Variants in STT3B observed in about 807,000 individuals in gnomAD.
STT3B encodes dolichyl-diphosphooligosaccharide--protein glycosyltransferase subunit STT3B.
In STT3B, 29 loss-of-function variants were observed where a neutral mutation model predicts 96.8. The ratio of observed to expected loss-of-function variants is 0.30; its 90% CI spans 0.22 to 0.41. The LOEUF is 0.41. Ranked by LOEUF, STT3B falls within the 10% of genes least tolerant of loss-of-function variation. STT3B has a pLI of 1.00. For synonymous variants in STT3B, 367 were observed against 360.0 expected, an observed-to-expected ratio of 1.02 and a Z score of -0.22; for missense variants, 640 against 1,022.3, an observed-to-expected ratio of 0.63 and a Z score of 5.10.
intron 5 of STT3B, among the ~76,000 whole-genome samples, chr3:31,611,130 A>C (rs925807960): frequency 1.3e-5 from 2 of 152,204 alleles, no homozygotes; most frequent in African/African-American, 4.8e-5. Flanking sequence ...AATGATGGCT[A>C]TGGGTTTGTC....
intron 1 of STT3B, among the ~76,000 whole-genome samples, chr3:31,536,677 C>T (rs1697106335): frequency 6.6e-6 from 1 of 152,170 alleles, no homozygotes; most frequent in Non-Finnish European, 1.5e-5. Context: ...TTGAAGTACA[C>T]TGCACTTTTT....
chr3:31,635,485 T>C (rs1173121728), intron 15 of STT3B, among the ~76,000 whole-genome samples: 1 of 152,234 alleles, frequency 6.6e-6, no homozygotes, highest in African/African-American at 2.4e-5. Context: ...AAAGGATTAT[T>C]TTTAGAGAAT....
chr3:31,637,597 TAA>T lies in STT3B; in HGVS notation c.*1535_*1536del, dbSNP rs1435293468. The T allele has an allele frequency of 2.6e-5, 4 of 152,188 alleles. No homozygotes were observed. Among genetic ancestry groups the T allele is most frequent in the African/African-American group, 9.6e-5 (4 of 41,452 alleles). 9.4% of individuals were successfully genotyped at this position (152,188 alleles called of 1,614,324 possible). A position where few individuals can be genotyped will look rare whatever the true frequency, so the allele number is the denominator to read the frequency against. On this transcript the variant is annotated 3_prime_UTR_variant, in exon 16 of 16. Transcript: ENST00000295770. ...GAGAAGTTGTTGACTGTAGGGGAAATAAAGTTAATTCAAATTTTGTGTTAAGT... is the reference window on the plus strand; with the variant it reads ...GAGAAGTTGTTGACTGTAGGGGAAATAGTTAATTCAAATTTTGTGTTAAGT...
At chr3:31,564,761 A>G (rs1397614852) in intron 1 of STT3B, among the ~76,000 whole-genome samples, 1 of 152,218 alleles carries the variant, frequency 6.6e-6, no homozygotes, top group African/African-American at 2.4e-5. Flanking sequence ...TTACGTATAA[A>G]GGAAGGATTG....
At chr3:31,602,364 G>T (rs1698947145) in intron 5 of STT3B, among the ~76,000 whole-genome samples, 2 of 151,950 alleles carry the variant, frequency 1.3e-5, no homozygotes, top group African/African-American at 4.8e-5. Context: ...TGTTGTTGCT[G>T]CTGTTGTTGT....
At chr3:31,623,630 G>A in intron 10 of STT3B, 44 bp from the exon 11 acceptor site, 1 of 1,463,124 alleles carries the variant, frequency 6.8e-7, no homozygotes, top group African/African-American at 1.4e-5. Flanking sequence ...AATGAAGCAA[G>A]TCAAATAATG....
chr3:31,600,994 T>C (rs1456298221), intron 5 of STT3B, among the ~76,000 whole-genome samples: 1 of 152,198 alleles, frequency 6.6e-6, no homozygotes, highest in Admixed American at 6.5e-5. Context: ...TTAGAACTTC[T>C]ATGGGTTGAA....
chr3:31,623,277 G>A (rs1425970360), intron 10 of STT3B, among the ~76,000 whole-genome samples: 1 of 152,134 alleles, frequency 6.6e-6, no homozygotes, highest in Non-Finnish European at 1.5e-5. Flanking sequence ...GTGGTACATG[G>A]TCAAAATTAT....
intron 1 of STT3B, among the ~76,000 whole-genome samples, chr3:31,575,032 A>G (rs1698235188): frequency 6.6e-6 from 1 of 152,086 alleles, no homozygotes; most frequent in Non-Finnish European, 1.5e-5. Context: ...AAAATCTTAA[A>G]TGGATCCTTT....
intron 3 of STT3B, among the ~76,000 whole-genome samples, chr3:31,594,722 C>A (rs75274010): frequency 0.044 from 6,647 of 152,222 alleles, 381 homozygotes; most frequent in East Asian, 0.32. Flanking sequence ...GCCCAGCCCC[C>A]CTTCACAGGT....
chr3:31,622,704 C>G (rs1185207696), intron 10 of STT3B, among the ~76,000 whole-genome samples: 1 of 152,192 alleles, frequency 6.6e-6, no homozygotes, highest in African/African-American at 2.4e-5. Flanking sequence ...TCAGTGCATA[C>G]TTTCAAAATA....
chr3:31,543,883 G>C (rs1204906556), intron 1 of STT3B, among the ~76,000 whole-genome samples: 1 of 152,042 alleles, frequency 6.6e-6, no homozygotes, highest in Non-Finnish European at 1.5e-5. Context: ...CACTAGTTAG[G>C]GAACATTGAA....
intron 1 of STT3B, among the ~76,000 whole-genome samples, chr3:31,539,559 T>C (rs1697204255): frequency 6.6e-6 from 1 of 152,116 alleles, no homozygotes; most frequent in Non-Finnish European, 1.5e-5. Context: ...TTAATTTATG[T>C]TTTTTATTCA....
intron 14 of STT3B, 121 bp from the exon 15 acceptor site, chr3:31,632,814 T>G (rs989438687): frequency 1.2e-6 from 1 of 833,948 alleles, no homozygotes; most frequent in Non-Finnish European, 1.9e-6. Flanking sequence ...GTAGATAGAT[T>G]ACTTGATTGT....
At chr3:31,590,611 T>C (rs866125200) in intron 3 of STT3B, among the ~76,000 whole-genome samples, 3 of 152,098 alleles carry the variant, frequency 2.0e-5, no homozygotes, top group African/African-American at 2.4e-5. Flanking sequence ...TGTTGATTTC[T>C]AATTCTGTTG....
intron 1 of STT3B, among the ~76,000 whole-genome samples, chr3:31,567,764 T>C (rs866560186): frequency 5.3e-5 from 8 of 152,322 alleles, no homozygotes; most frequent in Middle Eastern, 6.8e-3. Flanking sequence ...TGTGATGTTT[T>C]GGTACAGGCA....
At chr3:31,557,614 T>TAC (rs1697751685) in intron 1 of STT3B, among the ~76,000 whole-genome samples, 1 of 151,980 alleles carries the variant, frequency 6.6e-6, no homozygotes, top group Non-Finnish European at 1.5e-5. Flanking sequence ...TTTCTAGGTA[T>TAC]ATATATTTTT....
intron 14 of STT3B, among the ~76,000 whole-genome samples, chr3:31,631,382 AT>A (rs1446166571): frequency 3.3e-5 from 5 of 152,178 alleles, no homozygotes; most frequent in Non-Finnish European, 7.3e-5. Context: ...GGCCATAATA[AT>A]CAGTTACCCC....
intron 3 of STT3B, among the ~76,000 whole-genome samples, chr3:31,587,439 T>C (rs1698567096): frequency 6.6e-6 from 1 of 152,096 alleles, no homozygotes; most frequent in Middle Eastern, 3.2e-3. Flanking sequence ...AGATGGGTTC[T>C]CCTTATATTG....
Sources: gnomAD v4.1 joint callset for allele counts (sites outside exome capture counted in the v4.1 genomes callset) on GRCh38, gnomAD v4.1.1 for gene constraint, MANE v1.5 for transcripts, NCBI Gene and HGNC (gene_info 2026-07-23, HGNC 2026-07-21) for gene names.